Variants in DNAH12 observed in about 807,000 individuals in gnomAD.
DNAH12 encodes axonemal beta dynein heavy chain 12.
A neutral mutation model predicts 371.5 loss-of-function variants in DNAH12; 285 were observed. That is an observed-to-expected ratio of 0.77 (90% CI 0.70 to 0.85). The LOEUF is 0.85. Among genes scored for constraint, DNAH12 ranks in the 40% least tolerant of loss-of-function variants. The pLI, the probability that DNAH12 is intolerant of heterozygous loss-of-function variation, is 0.00. For missense variants in DNAH12, 3,611 were observed against 3,689.4 expected (o/e 0.98, Z 0.55); for synonymous variants, 1,200 against 1,213.0 (o/e 0.99, Z 0.22).
At chr3:57,453,095 C>G (rs1257658068) in intron 24 of DNAH12, 80 bp from the exon 25 acceptor site, 2 of 1,465,806 alleles carry the variant, frequency 1.4e-6, no homozygotes, top group Admixed American at 5.7e-5. Context: ...TCTTTTATAA[C>G]AGCAAATACT....
chr3:57,306,479 A>G (rs2061473203), intron 69 of DNAH12, among the ~76,000 whole-genome samples: 1 of 151,952 alleles, frequency 6.6e-6, no homozygotes, highest in Non-Finnish European at 1.5e-5. Context: ...TGCTTCCCTG[A>G]CTATTCCTGG....
intron 45 of DNAH12, among the ~76,000 whole-genome samples, chr3:57,389,200 C>T (rs944556805): frequency 2.2e-4 from 33 of 150,424 alleles, no homozygotes; most frequent in Non-Finnish European, 4.1e-4. Context: ...TATTTACTCT[C>T]TGTCCCCTCC....
At chr3:57,352,589 ATCTC>A (rs201191244) in intron 59 of DNAH12, among the ~76,000 whole-genome samples, 2,777 of 152,242 alleles carry the variant, frequency 0.018, 47 homozygotes, top group Non-Finnish European at 0.023. Flanking sequence ...GGTTTACACC[ATCTC>A]TCTATTTTCC....
At chr3:57,476,578 T>TAAAAAATA (rs71088078) in intron 13 of DNAH12, among the ~76,000 whole-genome samples, 2 of 151,594 alleles carry the variant, frequency 1.3e-5, no homozygotes, top group African/African-American at 4.8e-5. Context: ...AAATAAAAAA[T>TAAAAAATA]AAAAAAAATC....
chr3:57,498,419 T>C, intron 11 of DNAH12: 3 of 701,006 alleles, frequency 4.3e-6, no homozygotes, highest in Non-Finnish European at 7.8e-6. Context: ...TAGGCTCCAG[T>C]AATCCTTTCA....
intron 69 of DNAH12, 22 bp from the exon 70 acceptor site, chr3:57,301,961 C>T: frequency 6.5e-7 from 1 of 1,544,960 alleles, no homozygotes; most frequent in Non-Finnish European, 8.8e-7. Flanking sequence ...GAAATTATGT[C>T]ATCAACATAT....
chr3:57,526,527 C>CT (rs759097908), intron 2 of DNAH12, among the ~76,000 whole-genome samples: 15,947 of 121,240 alleles, frequency 0.13, 1,515 homozygotes, highest in South Asian at 0.2. Flanking sequence ...GTTTCCAGAT[C>CT]TTTTTTTTTT....
rs1458368301 is a variant in DNAH12, at chr3:57,421,542, G to A, written c.5538C>T (p.Gly1846=). 1 of 1,551,520 alleles carries A rather than the reference G, an allele frequency of 6.4e-7. No homozygotes were observed. Among genetic ancestry groups the A allele is most frequent in the Non-Finnish European group, 8.7e-7 (1 of 1,146,962 alleles). Reference sequence around the variant, plus strand: ...CCTCATACATGTAGTCATAGACCAGGCCTTTTTCATCAAATGGGCATTCCC... The same window carrying A: ...CCTCATACATGTAGTCATAGACCAGACCTTTTTCATCAAATGGGCATTCCC... ...GKWECPFDEK[G]LVYDYMYELK... Residue 1846 remains glycine, a synonymous_variant, in exon 36 of 74, where the codon GGC becomes GGT. Transcript: ENST00000495027.
intron 52 of DNAH12, among the ~76,000 whole-genome samples, chr3:57,378,618 T>C (rs1216232827): frequency 6.6e-6 from 1 of 152,226 alleles, no homozygotes; most frequent in African/African-American, 2.4e-5. Flanking sequence ...AAGCCTTTGT[T>C]GCCCTGGTCC....
chr3:57,538,088 C>G (rs558285936), intron 2 of DNAH12, among the ~76,000 whole-genome samples: 3 of 152,120 alleles, frequency 2.0e-5, no homozygotes, highest in African/African-American at 7.2e-5. Context: ...AAGAAACACA[C>G]ACAAGATAAA....
At chr3:57,489,041 C>A (rs2067030883) in intron 12 of DNAH12, among the ~76,000 whole-genome samples, 1 of 151,968 alleles carries the variant, frequency 6.6e-6, no homozygotes, top group Non-Finnish European at 1.5e-5. Context: ...CAGTGTGAAA[C>A]AAGCAAAACA....
intron 2 of DNAH12, among the ~76,000 whole-genome samples, chr3:57,537,011 G>A (rs1464569118): frequency 6.6e-6 from 1 of 152,112 alleles, no homozygotes; most frequent in African/African-American, 2.4e-5. Context: ...TGGGCAATAT[G>A]GTGAGACCTC....
At chr3:57,427,630 C>T (rs112638504) in intron 34 of DNAH12, among the ~76,000 whole-genome samples, 1,684 of 151,968 alleles carry the variant, frequency 0.011, 20 homozygotes, top group African/African-American at 0.031. Context: ...ACAGAGGTTG[C>T]GGTGAACCAA....
At chr3:57,483,536 G>C in intron 12 of DNAH12, 25 bp from the exon 13 acceptor site, 1 of 1,528,686 alleles carries the variant, frequency 6.5e-7, no homozygotes, top group East Asian at 2.5e-5. Context: ...TGCTTTAATA[G>C]ACTTATGGCA....
At chr3:57,449,196 G>T (rs2065653254) in intron 25 of DNAH12, among the ~76,000 whole-genome samples, 1 of 151,998 alleles carries the variant, frequency 6.6e-6, no homozygotes, top group African/African-American at 2.4e-5. Context: ...GCTAAACACA[G>T]GGTGCTGATT....
intron 17 of DNAH12, among the ~76,000 whole-genome samples, chr3:57,467,852 C>G (rs1337602662): frequency 6.6e-6 from 1 of 152,090 alleles, no homozygotes; most frequent in Non-Finnish European, 1.5e-5. Context: ...TTCCTACACT[C>G]CACAGTGGTG....
At chr3:57,463,015 C>A in intron 17 of DNAH12, 140 bp from the exon 18 acceptor site, 2 of 574,710 alleles carry the variant, frequency 3.5e-6, no homozygotes, top group Non-Finnish European at 5.8e-6. Flanking sequence ...ATCAAAACCT[C>A]AATTAGATTT....
At chr3:57,520,333 C>T (rs936786085) in intron 4 of DNAH12, among the ~76,000 whole-genome samples, 3 of 151,834 alleles carry the variant, frequency 2.0e-5, no homozygotes, top group Non-Finnish European at 2.9e-5. Flanking sequence ...AGTCTCGAAC[C>T]GCCCGCCTCG....
chr3:57,454,932 G>A, intron 22 of DNAH12, 38 bp from the exon 23 acceptor site: 2 of 1,525,362 alleles, frequency 1.3e-6, no homozygotes, highest in Non-Finnish European at 1.8e-6. Context: ...TTAAAAGCTT[G>A]AATGAGAAAA....
Sources: gnomAD v4.1 joint callset for allele counts (sites outside exome capture counted in the v4.1 genomes callset) on GRCh38, gnomAD v4.1.1 for gene constraint, MANE v1.5 for transcripts, NCBI Gene and HGNC (gene_info 2026-07-23, HGNC 2026-07-21) for gene names.